DYNC1I1: variants seen among roughly 807,000 people sequenced by gnomAD.
DYNC1I1 encodes the protein dynein cytoplasmic 1 intermediate chain 1, also known as cytoplasmic dynein 1 intermediate chain 1.
A neutral mutation model predicts 86.6 loss-of-function variants in DYNC1I1; 43 were observed. The observed-to-expected ratio is 0.50, with a 90% CI of 0.39 to 0.64. The LOEUF is 0.64. DYNC1I1 is among the 30% of genes least tolerant of loss of function. DYNC1I1 has a pLI of 0.00. For synonymous variants in DYNC1I1, 262 were observed against 283.7 expected (o/e 0.92, Z 0.77); for missense variants, 604 against 788.8 (o/e 0.77, Z 2.81).
chr7:96,005,833 C>T (rs567605154), intron 10 of DYNC1I1, among the ~76,000 whole-genome samples: 9 of 152,264 alleles, frequency 5.9e-5, no homozygotes, highest in East Asian at 1.9e-4. Flanking sequence ...GTTTTCAAAA[C>T]GCCGTTGCTA....
chr7:96,049,625 CAT>C (rs1202539660), intron 14 of DYNC1I1, among the ~76,000 whole-genome samples: 1 of 152,066 alleles, frequency 6.6e-6, no homozygotes, highest in Non-Finnish European at 1.5e-5. Context: ...AATTAAATAA[CAT>C]AAGGAAAAAT....
At chr7:96,101,608 G>A (rs902145837), downstream of DYNC1I1, among the ~76,000 whole-genome samples, 2 of 152,156 alleles carry the variant, frequency 1.3e-5, no homozygotes, top group African/African-American at 2.4e-5. Context: ...GTGGCTTACG[G>A]CAACAAGGTA....
At chr7:95,985,284 G>A (rs113912655) in intron 8 of DYNC1I1, among the ~76,000 whole-genome samples, 40 of 152,236 alleles carry the variant, frequency 2.6e-4, no homozygotes, top group African/African-American at 9.6e-4. Flanking sequence ...AGCAGCAAAG[G>A]AGATTCATGT....
intron 14 of DYNC1I1, among the ~76,000 whole-genome samples, chr7:96,066,118 G>A (rs964648892): frequency 4.6e-5 from 7 of 151,998 alleles, no homozygotes; most frequent in African/African-American, 1.4e-4. Context: ...TTATTTCTTA[G>A]GACAAATCCT....
At position 96,014,827 on chromosome 7, in the gene DYNC1I1, A is replaced by C. The variant is rs188085973; in HGVS notation, c.970-13348A>C. On this transcript the variant is annotated intron_variant, in intron 10 of 16. Transcript: ENST00000447467. ...TTCATAGATTGGATGAAGCCCAAAC[A>C]CAACTGAGTTAGATGCATATTAAAT... is the stretch of plus-strand genomic sequence containing the variant. 1.2e-3 allele frequency among the ~76,000 whole-genome samples: 186 copies of C among 152,314 alleles called. 1 individual carries two copies. The highest frequency in any genetic ancestry group is 1.9e-3 in the Non-Finnish European group (126 of 68,036).
chr7:95,826,930 C>A (rs954071136), intron 4 of DYNC1I1, among the ~76,000 whole-genome samples: 4 of 152,120 alleles, frequency 2.6e-5, no homozygotes, highest in Non-Finnish European at 4.4e-5. Context: ...ACCATATAAG[C>A]TACAGTAAGT....
Position 96,098,312 on chromosome 7 carries a change from A to G in DYNC1I1, c.*719A>G. 2.0e-6 allele frequency: 2 copies of G among 985,876 alleles called. No individual in the cohort carries two copies. The highest frequency in any genetic ancestry group is 2.4e-6 in the Non-Finnish European group (2 of 829,948). The allele number at this position is 985,876 out of a possible 1,614,324, so 61.1% of individuals were successfully genotyped here. On this transcript the variant is annotated 3_prime_UTR_variant, in exon 17 of 17. Coordinates refer to ENST00000447467, the MANE Select transcript of DYNC1I1 (RefSeq NM_001135556.2). ...CCTATTATTTCTGGGTACTTTAACAATATTTCAAATATCATTGACCACTAA... is the reference window on the plus strand; with the variant it reads ...CCTATTATTTCTGGGTACTTTAACAGTATTTCAAATATCATTGACCACTAA...
intron 14 of DYNC1I1, chr7:96,056,300 G>A (rs148651572): frequency 1.3e-5 from 2 of 152,250 alleles, no homozygotes; most frequent in African/African-American, 2.4e-5. Context: ...GTCTATGAGT[G>A]TGTACCTGTG....
At chr7:96,096,189 G>A (rs1197556846) in intron 16 of DYNC1I1, among the ~76,000 whole-genome samples, 2 of 152,008 alleles carry the variant, frequency 1.3e-5, no homozygotes, top group Non-Finnish European at 2.9e-5. Flanking sequence ...AGTTTTCTTG[G>A]ACAGATAGTA....
chr7:95,995,803 A>G, intron 9 of DYNC1I1, 145 bp from the exon 10 acceptor site: 1 of 1,149,886 alleles, frequency 8.7e-7, no homozygotes, highest in Non-Finnish European at 1.2e-6. Flanking sequence ...AGGAGGTTGC[A>G]GCAGTAAGCT....
At chr7:95,773,619 C>G (rs1682693) in intron 1 of DYNC1I1, among the ~76,000 whole-genome samples, 1 of 152,142 alleles carries the variant, frequency 6.6e-6, no homozygotes, top group Non-Finnish European at 1.5e-5. Context: ...ATTCGCTATT[C>G]TGGCCTCTAC....
chr7:95,823,021 T>C (rs1386127423), intron 4 of DYNC1I1, among the ~76,000 whole-genome samples: 1 of 152,162 alleles, frequency 6.6e-6, no homozygotes, highest in East Asian at 1.9e-4. Context: ...AAGATACTGC[T>C]GGACATCTGG....
intron 6 of DYNC1I1, among the ~76,000 whole-genome samples, chr7:95,898,651 C>T (rs564801059): frequency 6.6e-6 from 1 of 152,330 alleles, no homozygotes; most frequent in African/African-American, 2.4e-5. Flanking sequence ...CATAAAATTA[C>T]TTCTTTATGC....
intron 5 of DYNC1I1, among the ~76,000 whole-genome samples, chr7:95,832,274 C>T (rs936304075): frequency 2.8e-5 from 4 of 145,118 alleles, no homozygotes; most frequent in African/African-American, 1.0e-4. Context: ...CAATTTCATC[C>T]ATGTCCCTAC....
At chr7:95,919,369 C>T (rs1370971064) in intron 6 of DYNC1I1, among the ~76,000 whole-genome samples, 6 of 152,250 alleles carry the variant, frequency 3.9e-5, no homozygotes, top group Admixed American at 1.3e-4. Context: ...TCTCTAAATA[C>T]CATATGATAT....
chr7:95,975,919 T>A (rs879670948), intron 6 of DYNC1I1, among the ~76,000 whole-genome samples: 1 of 152,204 alleles, frequency 6.6e-6, no homozygotes, highest in South Asian at 2.1e-4. Context: ...GGAAGATACG[T>A]CATGTCGAGA....
intron 6 of DYNC1I1, among the ~76,000 whole-genome samples, chr7:95,937,247 A>G (rs1792070101): frequency 1.3e-5 from 2 of 152,024 alleles, no homozygotes; most frequent in Admixed American, 1.3e-4. Context: ...TCTAATGTGC[A>G]CCATAGTGAC....
intron 14 of DYNC1I1, among the ~76,000 whole-genome samples, chr7:96,048,992 G>C (rs916670224): frequency 1.3e-5 from 2 of 152,152 alleles, no homozygotes; most frequent in Non-Finnish European, 2.9e-5. Context: ...GGGCACAGTG[G>C]CTCACGCCTG....
intron 1 of DYNC1I1, chr7:95,804,302 G>T (rs780786540): frequency 5.2e-5 from 62 of 1,185,924 alleles, no homozygotes; most frequent in Non-Finnish European, 6.5e-5. Context: ...AGGGGTTTAT[G>T]ACAGGCTGTT....
Sources: allele counts gnomAD v4.1 joint callset (sites outside exome capture counted in the v4.1 genomes callset), GRCh38; gene constraint gnomAD v4.1.1; transcripts MANE v1.5; gene names NCBI Gene and HGNC (gene_info 2026-07-23, HGNC 2026-07-21).